The following HERC3 variants were observed in gnomAD, a reference collection of about 807,000 sequenced individuals.
The protein encoded by HERC3 is HECT and RLD domain containing E3 ubiquitin protein ligase 3.
Under a neutral mutation model 129.9 loss-of-function variants are expected in HERC3, and 58 were observed. The ratio of observed to expected loss-of-function variants is 0.45; its 90% CI spans 0.36 to 0.56. The LOEUF (loss-of-function observed/expected upper bound fraction) is 0.56, where lower values mean the gene tolerates loss of function less well. HERC3 is among the 20% of genes least tolerant of loss of function. The pLI is 0.00. For synonymous variants in HERC3, 430 were observed against 451.0 expected, an observed-to-expected ratio of 0.95 and a Z score of 0.59; for missense variants, 835 against 1,244.2, an observed-to-expected ratio of 0.67 and a Z score of 4.95.
At chr4:88,657,149 T>A (rs1031766266) in intron 9 of HERC3, 1 of 152,314 alleles carries the variant, frequency 6.6e-6, no homozygotes, top group African/African-American at 2.4e-5. Flanking sequence ...AAGTGTAACT[T>A]ATTAATTTTG....
At chr4:88,640,523 A>G (rs1055204457) in intron 3 of HERC3, among the ~76,000 whole-genome samples, 1 of 152,202 alleles carries the variant, frequency 6.6e-6, no homozygotes, top group South Asian at 2.1e-4. Flanking sequence ...GAGTTGAACA[A>G]TGAGAACACA....
At chr4:88,658,609 G>A in intron 10 of HERC3, 118 bp downstream of exon 10, 1 of 503,532 alleles carries the variant, frequency 2.0e-6, no homozygotes, top group Non-Finnish European at 3.5e-6. Context: ...CCAATCCTAT[G>A]TTATTTTTAA....
At chr4:88,673,416 T>A (rs1415037259) in intron 16 of HERC3, among the ~76,000 whole-genome samples, 1 of 152,220 alleles carries the variant, frequency 6.6e-6, no homozygotes, top group Non-Finnish European at 1.5e-5. Flanking sequence ...ATTTTTCTGT[T>A]CTATCCCATT....
intron 3 of HERC3, among the ~76,000 whole-genome samples, chr4:88,637,241 T>C (rs1727519423): frequency 6.6e-6 from 1 of 151,108 alleles, no homozygotes; most frequent in Admixed American, 6.6e-5. Flanking sequence ...CTGGCTAACA[T>C]GACGAAACCC....
intron 3 of HERC3, among the ~76,000 whole-genome samples, chr4:88,648,706 A>G (rs12503331): frequency 0.031 from 4,662 of 152,208 alleles, 111 homozygotes; most frequent in Non-Finnish European, 0.046. Flanking sequence ...AGATCCTTTC[A>G]GTGTGAAATT....
chr4:88,685,326 A>G (rs1252131250), intron 21 of HERC3, among the ~76,000 whole-genome samples: 1 of 152,246 alleles, frequency 6.6e-6, no homozygotes, highest in Non-Finnish European at 1.5e-5. Flanking sequence ...TATTTACAAT[A>G]GCAAAGACTT....
Position 88,653,055 on chromosome 4 carries a change from A to G in HERC3, c.650A>G (p.Asn217Ser). 6.2e-7 allele frequency: 1 copy of G among 1,614,204 alleles called. No individual in the cohort carries two copies. Among genetic ancestry groups the G allele is most frequent in the Non-Finnish European group, 8.5e-7 (1 of 1,180,026 alleles). ...LSGAVFGWGM[N>S]NAGQLGLSDE... is the part of the protein sequence containing the mutation. ...GGAGCTGTTTTTGGCTGGGGGATGA[A>G]TAATGCCGGGCAGCTAGGGCTCAGT... The change falls in exon 6 of 26, where the codon AAT becomes AGT. Residue 217 changes from asparagine to serine, a missense_variant. By Grantham distance (46) the Asn-to-Ser change is conservative (BLOSUM62 1). Coordinates refer to ENST00000402738, the MANE Select transcript of HERC3 (RefSeq NM_014606.3).
the HERC3 span, among the ~76,000 whole-genome samples, chr4:88,550,103 A>G: frequency 2.0e-5 from 3 of 152,140 alleles, no homozygotes; most frequent in African/African-American, 7.2e-5. Context: ...ACCAATGAGG[A>G]ACTTGGGGAG....
At chr4:88,698,369 A>T (rs1488449720) in intron 23 of HERC3, among the ~76,000 whole-genome samples, 1 of 151,360 alleles carries the variant, frequency 6.6e-6, no homozygotes, top group East Asian at 2.0e-4. Flanking sequence ...TGTCCACCCA[A>T]CACCCCCTTG....
At chr4:88,534,806 A>G in the HERC3 span, among the ~76,000 whole-genome samples, 1 of 152,242 alleles carries the variant, frequency 6.6e-6, no homozygotes, top group East Asian at 1.9e-4. Context: ...GTAATTCTCA[A>G]AATAATAATC....
the HERC3 span, among the ~76,000 whole-genome samples, chr4:88,572,813 A>AT: frequency 1.2e-3 from 169 of 141,856 alleles, 1 homozygote; most frequent in Admixed American, 6.2e-3. Context: ...CTCAAAAAAA[A>AT]AAAAATAATA....
chr4:88,642,890 TA>T (rs1260029397), intron 3 of HERC3, among the ~76,000 whole-genome samples: 2 of 138,542 alleles, frequency 1.4e-5, no homozygotes, highest in Non-Finnish European at 3.0e-5. Context: ...CTAGCCAGTG[TA>T]ATAAGGAAAG....
chr4:88,645,256 G>A (rs950024087), intron 3 of HERC3, among the ~76,000 whole-genome samples: 1 of 152,116 alleles, frequency 6.6e-6, no homozygotes, highest in Non-Finnish European at 1.5e-5. Context: ...TAGGGTGAAT[G>A]TGAGGACTTA....
At chr4:88,544,986 C>T in the HERC3 span, among the ~76,000 whole-genome samples, 4 of 151,994 alleles carry the variant, frequency 2.6e-5, no homozygotes, top group African/African-American at 4.8e-5. Flanking sequence ...ACCAACATGG[C>T]GCATGTATAC....
chr4:88,529,381 T>C, the HERC3 span, among the ~76,000 whole-genome samples: 1 of 152,066 alleles, frequency 6.6e-6, no homozygotes, highest in African/African-American at 2.4e-5. Flanking sequence ...CACTTGGGCC[T>C]AGGAGTTCGA....
intron 3 of HERC3, among the ~76,000 whole-genome samples, chr4:88,625,776 A>T (rs974012127): frequency 1.3e-5 from 2 of 152,200 alleles, no homozygotes; most frequent in African/African-American, 4.8e-5. Context: ...GTGTGATGTT[A>T]ACAGTAGGGT....
intron 23 of HERC3, chr4:88,697,721 G>C (rs756616802): frequency 6.2e-7 from 1 of 1,611,358 alleles, no homozygotes; most frequent in Non-Finnish European, 8.5e-7. Flanking sequence ...GCCTGGCTAG[G>C]CTCCGCAGGC....
the HERC3 span, among the ~76,000 whole-genome samples, chr4:88,562,255 T>C: frequency 2.4e-4 from 36 of 152,362 alleles, no homozygotes; most frequent in African/African-American, 7.5e-4. Flanking sequence ...TCAGTAATGT[T>C]GAGCACCTTT....
At chr4:88,560,450 T>C in the HERC3 span, among the ~76,000 whole-genome samples, 2 of 152,200 alleles carry the variant, frequency 1.3e-5, no homozygotes, top group African/African-American at 4.8e-5. Flanking sequence ...TTTCCACTAT[T>C]GAGTTGTATA....
Sources: allele counts gnomAD v4.1 joint callset (sites outside exome capture counted in the v4.1 genomes callset), GRCh38; gene constraint gnomAD v4.1.1; transcripts MANE v1.5; gene names NCBI Gene and HGNC (gene_info 2026-07-23, HGNC 2026-07-21).